The following ADGRL2 variants were observed in gnomAD, a reference collection of about 807,000 sequenced individuals.
The protein encoded by ADGRL2 is calcium-independent alpha-latrotoxin receptor 2.
In ADGRL2, 44 loss-of-function variants were observed where a neutral mutation model predicts 157.4. The observed-to-expected ratio is 0.28, with a 90% CI of 0.22 to 0.36. The LOEUF (loss-of-function observed/expected upper bound fraction) is 0.36. Among genes scored for constraint, ADGRL2 ranks in the 10% least tolerant of loss-of-function variants. The pLI, the probability that ADGRL2 is intolerant of heterozygous loss-of-function variation, is 1.00. For synonymous variants in ADGRL2, 585 were observed against 624.7 expected (o/e 0.94, Z 0.95); for missense variants, 1,510 against 1,768.9 (o/e 0.85, Z 2.63).
At chr1:81,364,618 G>A (rs764869461) in intron 1 of ADGRL2, among the ~76,000 whole-genome samples, 4 of 152,106 alleles carry the variant, frequency 2.6e-5, no homozygotes, top group Non-Finnish European at 4.4e-5. Flanking sequence ...ATTGTAAGCA[G>A]TACACTTGTA....
chr1:81,394,667 A>G (rs565663452), intron 1 of ADGRL2, among the ~76,000 whole-genome samples: 1 of 152,302 alleles, frequency 6.6e-6, no homozygotes, highest in South Asian at 2.1e-4. Context: ...GTGCTGCCAC[A>G]AACATGGGAG....
rs531940844 is a variant in ADGRL2, at chr1:81,803,286, G to A, written c.-101+2218G>A. Reference sequence around the variant, plus strand: ...CGAGGGCGAGCCAAACCATGGAAGCGCCCCAGCAGTGTGGAGGTGCGCCTG... The same window carrying A: ...CGAGGGCGAGCCAAACCATGGAAGCACCCCAGCAGTGTGGAGGTGCGCCTG... On this transcript the variant is annotated intron_variant, in intron 1 of 23. Coordinates refer to ENST00000686636, the MANE Select transcript of ADGRL2 (RefSeq NM_001366006.2). Among the ~76,000 whole-genome samples the A allele has an allele frequency of 3.4e-3, 510 of 152,202 alleles. 4 individuals are homozygous for A. Among genetic ancestry groups the A allele is most frequent in the Non-Finnish European group, 5.4e-3 (370 of 68,008 alleles).
intron 1 of ADGRL2, chr1:81,761,739 G>GTATT (rs2085889066): frequency 6.6e-6 from 1 of 151,914 alleles, no homozygotes; most frequent in South Asian, 2.1e-4. Context: ...TGCTGCTGGT[G>GTATT]TATTACATTT....
rs12076437 is a variant in ADGRL2, at chr1:81,902,209, G to C, written c.74-4808G>C. Among the ~76,000 whole-genome samples the C allele has an allele frequency of 5.5e-3, 831 of 152,298 alleles. 7 individuals are homozygous for C. Among genetic ancestry groups the C allele is most frequent in the African/African-American group, 0.018 (767 of 41,556 alleles). ...AAGAAAGTGTCTGGGTTAAGATAGG[G>C]GTTGTGAGGACCAGGGTTCTTATTA... is the stretch of plus-strand genomic sequence containing the variant. On this transcript the variant is annotated intron_variant, in intron 2 of 23. Transcript: ENST00000686636.
intron 1 of ADGRL2, among the ~76,000 whole-genome samples, chr1:81,751,870 T>C (rs1468373359): frequency 6.6e-6 from 1 of 152,222 alleles, no homozygotes; most frequent in Non-Finnish European, 1.5e-5. Context: ...GATTTAAGAT[T>C]GTTTCAAAAT....
chr1:81,419,530 A>G (rs906741918), intron 1 of ADGRL2, among the ~76,000 whole-genome samples: 7 of 152,204 alleles, frequency 4.6e-5, no homozygotes, highest in African/African-American at 1.7e-4. Flanking sequence ...TTTAAATGTC[A>G]TAGTTGCCTA....
At chr1:81,356,689 C>T (rs575158449) in intron 1 of ADGRL2, among the ~76,000 whole-genome samples, 2 of 152,160 alleles carry the variant, frequency 1.3e-5, no homozygotes, top group South Asian at 2.1e-4. Context: ...TGCAATGGCT[C>T]ACGCCTGTAA....
intron 1 of ADGRL2, among the ~76,000 whole-genome samples, chr1:81,353,928 C>T (rs1663095809): frequency 6.6e-6 from 1 of 152,098 alleles, no homozygotes; most frequent in Admixed American, 6.5e-5. Flanking sequence ...AAGGCTCAGG[C>T]ATGAATCTTT....
At chr1:81,470,366 C>T (rs373887322) in intron 2 of ADGRL2, among the ~76,000 whole-genome samples, 7 of 152,250 alleles carry the variant, frequency 4.6e-5, no homozygotes, top group African/African-American at 7.2e-5. Flanking sequence ...TTCTATCCCC[C>T]GGTGCTCCTG....
chr1:81,369,617 C>T (rs780844345), intron 1 of ADGRL2, among the ~76,000 whole-genome samples: 6 of 152,034 alleles, frequency 3.9e-5, no homozygotes, highest in African/African-American at 9.7e-5. Context: ...TATTCTGAAG[C>T]GACTGGCTCA....
rs201578151 is a variant in ADGRL2, at chr1:81,398,064, CTTCT to C, written c.-301-46969_-301-46966del. ...TGAATGGATCCCTTTATATAATGACCTTCTTTGTCTCTTTTTACAGTTTTTTACC... is the reference window on the plus strand; with the variant it reads ...TGAATGGATCCCTTTATATAATGACCTTGTCTCTTTTTACAGTTTTTTACC... On this transcript the variant is annotated intron_variant, in intron 1 of 24. Coordinates refer to the ADGRL2 transcript ENST00000370721. Among the ~76,000 whole-genome samples, 125 of 152,048 alleles carry C rather than the reference CTTCT, an allele frequency of 8.2e-4. 1 individual carries two copies. The East Asian group carries it at 0.02, about 24-fold the overall frequency.
At chr1:81,476,846 G>T (rs749076253) in intron 2 of ADGRL2, among the ~76,000 whole-genome samples, 1 of 152,098 alleles carries the variant, frequency 6.6e-6, no homozygotes, top group Admixed American at 6.6e-5. Flanking sequence ...TCTGTCCTCA[G>T]ATTCGCCATT....
intron 1 of ADGRL2, among the ~76,000 whole-genome samples, chr1:81,402,430 C>T (rs1368603604): frequency 6.6e-6 from 1 of 152,106 alleles, no homozygotes; most frequent in Non-Finnish European, 1.5e-5. Flanking sequence ...TTCTTTGATG[C>T]ACACCAAGAG....
At chr1:81,628,050 A>T (rs1272712556) in intron 3 of ADGRL2, among the ~76,000 whole-genome samples, 1 of 152,124 alleles carries the variant, frequency 6.6e-6, no homozygotes, top group Admixed American at 6.5e-5. Flanking sequence ...TTTCAATGTC[A>T]CCTTCAGGTC....
chr1:81,722,679 A>G, intron 1 of ADGRL2: 1 of 1,218,640 alleles, frequency 8.2e-7, no homozygotes, highest in Admixed American at 1.7e-5. Context: ...AACCTAGGGC[A>G]CAGGAAATTG....
chr1:81,941,989 T>C (rs745937800), intron 4 of ADGRL2, 45 bp from the exon 5 acceptor site: 3 of 758,822 alleles, frequency 4.0e-6, no homozygotes, highest in Non-Finnish European at 7.4e-6. Flanking sequence ...TTTTCTTTTT[T>C]CCTTGCACCT....
intron 1 of ADGRL2, among the ~76,000 whole-genome samples, chr1:81,739,977 G>A (rs980117105): frequency 6.6e-6 from 1 of 152,140 alleles, no homozygotes; most frequent in African/African-American, 2.4e-5. Flanking sequence ...TTAGAGAAGT[G>A]ATACCAATCC....
intron 2 of ADGRL2, among the ~76,000 whole-genome samples, chr1:81,881,886 A>G (rs914138543): frequency 6.6e-6 from 1 of 152,206 alleles, no homozygotes; most frequent in Non-Finnish European, 1.5e-5. Context: ...AGTGGTGCTC[A>G]GTGAATACTA....
chr1:81,730,379 C>T (rs1207816311), intron 1 of ADGRL2, among the ~76,000 whole-genome samples: 1 of 152,102 alleles, frequency 6.6e-6, no homozygotes, highest in Non-Finnish European at 1.5e-5. Context: ...ATTATAATAA[C>T]ACATTTATTC....
Sources: gnomAD v4.1 joint callset for allele counts (sites outside exome capture counted in the v4.1 genomes callset) on GRCh38, gnomAD v4.1.1 for gene constraint, MANE v1.5 for transcripts, NCBI Gene and HGNC (gene_info 2026-07-23, HGNC 2026-07-21) for gene names.